The following CDX2 variants were observed in gnomAD, a reference collection of about 807,000 sequenced individuals.
CDX2 encodes homeobox protein CDX-2.
CDX2 carries 7 observed loss-of-function variants against 25.5 expected under a neutral mutation model. That is an observed-to-expected ratio of 0.27 (90% CI 0.16 to 0.52). The LOEUF (loss-of-function observed/expected upper bound fraction) is 0.52. CDX2 is among the 20% of genes least tolerant of loss of function. The pLI, the probability that CDX2 is intolerant of heterozygous loss-of-function variation, is 0.97. For missense variants in CDX2, 375 were observed against 431.4 expected (o/e 0.87, Z 1.16); for synonymous variants, 222 against 198.6 (o/e 1.12, Z -0.99).
chr13:27,968,773 A>G lies in CDX2; in HGVS notation c.234T>C (p.Asn78=), dbSNP rs952299549. 23 of 1,512,128 alleles carry G rather than the reference A, an allele frequency of 1.5e-5. No individual in the cohort carries two copies. Among genetic ancestry groups the G allele is most frequent in the Non-Finnish European group, 1.8e-5 (20 of 1,135,530 alleles). 93.7% of individuals were successfully genotyped at this position (1,512,128 alleles called of 1,614,324 possible). ...AYGAPLREDW[N]GYAPGGAAAA... ...CCGCGGCGCCTCCGGGCGCGTAGCC[A>G]TTCCAGTCCTCCCGGAGTGGGGCGC... The change falls in exon 1 of 3, where the codon AAT becomes AAC. Residue 78 remains asparagine (N), a synonymous_variant. Transcript: ENST00000381020.
rs145287912 is a variant in CDX2 at position 27,968,665 on chromosome 13, A to C, written c.342T>G (p.His114Gln). 6.5e-7 allele frequency: 1 copy of C among 1,533,388 alleles called. No individual in the cohort carries two copies. Among genetic ancestry groups the C allele is most frequent in the African/African-American group, 1.4e-5 (1 of 71,694 alleles). 95.0% of individuals were successfully genotyped at this position (1,533,388 alleles called of 1,614,324 possible). A position where few individuals can be genotyped will look rare whatever the true frequency, so the allele number is the denominator to read the frequency against. Reference sequence around the variant, plus strand: ...GGTGGTGATGCGGGTGGTGGTGCGGATGGTAGTCTGCGGGGCTGCTGTAGC... The same window carrying C: ...GGTGGTGATGCGGGTGGTGGTGCGGCTGGTAGTCTGCGGGGCTGCTGTAGC... ...AMGYSSPADY[H>Q]PHHHPHHHPH... The change falls in exon 1 of 3, where the codon CAT (histidine) becomes CAG (glutamine). Residue 114 changes from histidine to glutamine, a missense_variant. By Grantham distance (24) the His-to-Gln change is conservative (BLOSUM62 0). Around this residue, in one of 3 missense-constraint regions of CDX2, gnomAD observed 253 missense variants for 247.5 expected, o/e 1.02. Coordinates refer to ENST00000381020, the MANE Select transcript of CDX2 (RefSeq NM_001265.6).
chr13:27,964,383 G>A lies in CDX2; in HGVS notation c.687+487C>T, dbSNP rs1869207510. ...CATTGCACTTCAGCCTGCACAACAAGAGTGAAACTGCGTTTCGACGGTGGC... is the reference window on the plus strand; with the variant it reads ...CATTGCACTTCAGCCTGCACAACAAAAGTGAAACTGCGTTTCGACGGTGGC... On this transcript the variant is annotated intron_variant, in intron 2 of 2. Transcript: ENST00000381020. This position sits in a 1 kb window ranked among gnomAD's most constrained non-coding sequence, Gnocchi z 4.7. Among the ~76,000 whole-genome samples, 1 of 151,926 alleles carries A rather than the reference G, an allele frequency of 6.6e-6. No homozygotes were observed. The highest frequency in any genetic ancestry group is 2.4e-5 in the African/African-American group (1 of 41,336).
At chr13:27,965,185 G>C (rs1216801284) in intron 1 of CDX2, among the ~76,000 whole-genome samples, 170 bp from the exon 2 acceptor site, 1 of 152,176 alleles carries the variant, frequency 6.6e-6, no homozygotes, top group Non-Finnish European at 1.5e-5. Flanking sequence ...GGTCCTGTGG[G>C]GGGAGGGTAT....
intron 1 of CDX2, among the ~76,000 whole-genome samples, chr13:27,965,630 C>T (rs1192064041): frequency 2.0e-5 from 3 of 152,236 alleles, no homozygotes; most frequent in Non-Finnish European, 4.4e-5. Flanking sequence ...CACTTTATAC[C>T]TGCCCAGACC....
intron 1 of CDX2, among the ~76,000 whole-genome samples, chr13:27,966,634 G>C (rs1233749863): frequency 5.9e-5 from 9 of 152,136 alleles, no homozygotes; most frequent in Admixed American, 1.3e-4. Context: ...CGGACGTGCC[G>C]GGCAACGCGA....
rs890407320 is a variant in CDX2 at position 27,960,944 on chromosome 13, C to A, written c.*2171G>T. The stretch of plus-strand genomic sequence containing the variant: ...CCACTGTCCAAACAGGGTTTATTGA[C>A]AGGCGTTTCACGGCAACGCATAGCA... On this transcript the variant is annotated 3_prime_UTR_variant, in exon 3 of 3. Transcript: ENST00000381020. Among the ~76,000 whole-genome samples the A allele has an allele frequency of 1.3e-5, 2 of 152,258 alleles. No individual in the cohort carries two copies. Among genetic ancestry groups the A allele is most frequent in the Non-Finnish European group, 2.9e-5 (2 of 68,038 alleles).
rs1345464021 is a variant in CDX2 at position 27,968,673 on chromosome 13, C to G, written c.334G>C (p.Asp112His). ...AAAMGYSSPA[D>H]YHPHHHPHHH... is the part of the protein sequence containing the mutation. ...TGCGGGTGGTGGTGCGGATGGTAGT[C>G]TGCGGGGCTGCTGTAGCCCATGGCT... Residue 112 changes from aspartate (D) to histidine (H), a missense_variant, in exon 1 of 3, where the codon GAC becomes CAC. By Grantham distance (81) the Asp-to-His change is moderately conservative. Coordinates refer to ENST00000381020, the MANE Select transcript of CDX2 (RefSeq NM_001265.6). 2.0e-6 allele frequency: 3 copies of G among 1,533,594 alleles called. No homozygotes were observed. The highest frequency in any genetic ancestry group is 2.6e-6 in the Non-Finnish European group (3 of 1,144,774). 95.0% of individuals were successfully genotyped at this position (1,533,594 alleles called of 1,614,324 possible). A position where few individuals can be genotyped will look rare whatever the true frequency, so the allele number is the denominator to read the frequency against.
chr13:27,961,355 TGGTGGGAA>T lies in CDX2; in HGVS notation c.*1752_*1759del, dbSNP rs986197778. ...GCGCGCTGATTAGGCTCTCGGATGT[TGGTGGGAA>T]GATCGAAACGAAGGGCTAAGCCCCC... On this transcript the variant is annotated 3_prime_UTR_variant, in exon 3 of 3. Transcript: ENST00000381020. Among the ~76,000 whole-genome samples, 6 of 152,200 alleles carry T rather than the reference TGGTGGGAA, an allele frequency of 3.9e-5. No homozygotes were observed. The highest frequency in any genetic ancestry group is 6.5e-5 in the Admixed American group (1 of 15,288).
chr13:27,967,339 C>A (rs1869384486), intron 1 of CDX2: 1 of 521,344 alleles, frequency 1.9e-6, no homozygotes, highest in Non-Finnish European at 3.7e-6. Context: ...GACGCAGAAA[C>A]CGATGCCCAG....
At position 27,964,034 on chromosome 13, in the gene CDX2, T is replaced by C. The variant is rs562567267; in HGVS notation, c.688-665A>G. On this transcript the variant is annotated intron_variant, in intron 2 of 2. Coordinates refer to ENST00000381020, the MANE Select transcript of CDX2 (RefSeq NM_001265.6). This position sits in a 1 kb window ranked among gnomAD's most constrained non-coding sequence, Gnocchi z 4.7. ...CTGTTTTTCACACTTCTTATATCCC[T>C]CAAAAGAGAGAGACAGAAAAAATCA... 2.6e-5 allele frequency among the ~76,000 whole-genome samples: 4 copies of C among 152,132 alleles called. No homozygotes were observed. Among genetic ancestry groups the C allele is most frequent in the Admixed American group, 2.0e-4 (3 of 15,274 alleles).
At chr13:27,966,400 T>G (rs1869325880) in intron 1 of CDX2, among the ~76,000 whole-genome samples, 1 of 152,236 alleles carries the variant, frequency 6.6e-6, no homozygotes, top group Non-Finnish European at 1.5e-5. Flanking sequence ...CACTCCAGGC[T>G]GCCATTGGTA....
At chr13:27,965,539 C>T (rs1302017150) in intron 1 of CDX2, among the ~76,000 whole-genome samples, 5 of 152,326 alleles carry the variant, frequency 3.3e-5, no homozygotes, top group African/African-American at 9.6e-5. Context: ...AATCATCCCC[C>T]AGACACACCA....
chr13:27,968,612 C>A lies in CDX2; in HGVS notation c.395G>T (p.Cys132Phe). 1 of 1,557,392 alleles carries A rather than the reference C, an allele frequency of 6.4e-7. No homozygotes were observed. The highest frequency in any genetic ancestry group is 8.6e-7 in the Non-Finnish European group (1 of 1,158,938). ...GAGCGTTTGCAGCAGCCCAGAAGCG[C>A]AGGAAGGCGCGGCGGCCGGGTGGTG... ...HPHHPAAAPS[C>F]ASGLLQTLNP... Residue 132 changes from cysteine (C) to phenylalanine (F), a missense_variant, in exon 1 of 3, where the codon TGC becomes TTC. By Grantham distance (205) the Cys-to-Phe change is radical. Around this residue, in one of 3 missense-constraint regions of CDX2, gnomAD observed 253 missense variants for 247.5 expected, o/e 1.02. Transcript: ENST00000381020.
rs1869096635 is a variant in CDX2 at position 27,962,434 on chromosome 13, C to T, written c.*681G>A. 4.3e-6 allele frequency: 1 copy of T among 233,160 alleles called. No homozygotes were observed. Among genetic ancestry groups the T allele is most frequent in the African/African-American group, 2.2e-5 (1 of 45,302 alleles). 14.4% of individuals were successfully genotyped at this position (233,160 alleles called of 1,614,324 possible). ...CCCAGAGAAGCTCTGGTGACAGGCT[C>T]TCTAAACAAGTCCCTGTTCGGGCCC... On this transcript the variant is annotated 3_prime_UTR_variant, in exon 3 of 3. Coordinates refer to ENST00000381020, the MANE Select transcript of CDX2 (RefSeq NM_001265.6).
In CDX2 at chr13:27,964,939, G is replaced by A; in HGVS notation, c.618C>T (p.His206=). The part of the protein sequence containing the change: ...HQRLELEKEF[H]YSRYITIRRK... The stretch of plus-strand genomic sequence containing the variant: ...TCCGGATGGTGATGTAGCGACTGTA[G>A]TGAAACTCCTTCTCCAGCTCCAGCC... Residue 206 remains histidine, a synonymous_variant, in exon 2 of 3, where the codon CAC becomes CAT. Transcript: ENST00000381020. The surrounding 1 kb of genome is among the most constrained non-coding windows in gnomAD (Gnocchi z 4.7). 1 of 1,614,164 alleles carries A rather than the reference G, an allele frequency of 6.2e-7. No individual in the cohort carries two copies. The highest frequency in any genetic ancestry group is 8.5e-7 in the Non-Finnish European group (1 of 1,180,020).
In CDX2 at chr13:27,961,204, A is replaced by G. The variant is rs1482540935; in HGVS notation, c.*1911T>C. On this transcript the variant is annotated 3_prime_UTR_variant, in exon 3 of 3. Transcript: ENST00000381020. ...CCGGGCCACCGGAGCCCCTTTCCCA[A>G]TCCTGGAGCTGTATACGCCACCCGG... Among the ~76,000 whole-genome samples, 7 of 152,066 alleles carry G rather than the reference A, an allele frequency of 4.6e-5. No homozygotes were observed. Among genetic ancestry groups the G allele is most frequent in the Non-Finnish European group, 8.8e-5 (6 of 67,982 alleles).
rs1869506326 is a variant in CDX2 at position 27,969,086 on chromosome 13, A to AG, written c.-81dup. The AG allele has an allele frequency of 1.0e-5, 11 of 1,095,704 alleles. No homozygotes were observed. Among genetic ancestry groups the AG allele is most frequent in the Middle Eastern group, 2.2e-4 (1 of 4,502 alleles). 67.9% of individuals were successfully genotyped at this position (1,095,704 alleles called of 1,614,324 possible). A position where few individuals can be genotyped will look rare whatever the true frequency, so the allele number is the denominator to read the frequency against. On this transcript the variant is annotated 5_prime_UTR_variant, in exon 1 of 3. Coordinates refer to ENST00000381020, the MANE Select transcript of CDX2 (RefSeq NM_001265.6). ...AGGCTGCCGGGGGGCACGAAGGGAA[A>AG]GGGGCGAGGGGACTCGAGGAGCGGC...
At position 27,963,364 on chromosome 13, in the gene CDX2, T is replaced by C. The variant is rs1307072515; in HGVS notation, c.693A>G (p.Lys231=). Residue 231 remains lysine (K), a synonymous_variant, in exon 3 of 3, where the codon AAA becomes AAG. Coordinates refer to ENST00000381020, the MANE Select transcript of CDX2 (RefSeq NM_001265.6). ...ATLGLSERQV[K]IWFQNRRAKE... ...TTGCTCTGCGGTTCTGAAACCAGAT[T>C]TTAACCTAGAAATGGAAAGGTGGAG... The C allele has an allele frequency of 2.5e-6, 4 of 1,577,780 alleles. No homozygotes were observed. In the South Asian group the frequency reaches 4.6e-5, roughly 18 times the overall value.
rs911866354 is a variant in CDX2 at position 27,961,378 on chromosome 13, G to A, written c.*1737C>T. Among the ~76,000 whole-genome samples the A allele has an allele frequency of 1.3e-5, 2 of 152,196 alleles. No individual in the cohort carries two copies. The highest frequency in any genetic ancestry group is 2.9e-5 in the Non-Finnish European group (2 of 68,026). On this transcript the variant is annotated 3_prime_UTR_variant, in exon 3 of 3. Transcript: ENST00000381020. The stretch of plus-strand genomic sequence containing the variant: ...GTTGGTGGGAAGATCGAAACGAAGG[G>A]CTAAGCCCCCCTCGCCCGGGTCCTG...
Sources: gnomAD v4.1 joint callset for allele counts (sites outside exome capture counted in the v4.1 genomes callset) on GRCh38, gnomAD v4.1.1 for gene constraint, gnomAD v4.1.1 regional missense constraint, Gnocchi (gnomAD v3.1) non-coding constraint, MANE v1.5 for transcripts, NCBI Gene and HGNC (gene_info 2026-07-23, HGNC 2026-07-21) for gene names.